Variants in HIVEP3 observed in about 807,000 individuals in gnomAD.
HIVEP3 encodes transcription factor HIVEP3.
Under a neutral mutation model 152.8 loss-of-function variants are expected in HIVEP3, and 49 were observed. The ratio of observed to expected loss-of-function variants is 0.32; its 90% CI spans 0.26 to 0.41. The LOEUF (loss-of-function observed/expected upper bound fraction) is 0.41, where lower values mean the gene tolerates loss of function less well. Ranked by LOEUF, HIVEP3 falls within the 10% of genes least tolerant of loss-of-function variation. The probability of loss-of-function intolerance (pLI) is 1.00; values close to 1 mark genes in which losing one functional copy is unlikely to be tolerated. For synonymous variants in HIVEP3, 1,269 were observed against 1,289.0 expected (o/e 0.98, Z 0.33); for missense variants, 2,790 against 3,103.3 (o/e 0.90, Z 2.40).
chr1:41,582,012 G>A lies in HIVEP3; in HGVS notation c.2786C>T (p.Ser929Phe). ...ESSFESSVPL[S>F]RSPSQESNVS... Reference sequence around the variant, plus strand: ...ATTGCTTTCCTGGCTCGGGCTGCGAGACAGAGGCACAGAGGACTCGAAGCT... The same window carrying A: ...ATTGCTTTCCTGGCTCGGGCTGCGAAACAGAGGCACAGAGGACTCGAAGCT... Residue 929 changes from serine (S) to phenylalanine (F), a missense_variant, in exon 4 of 9, where the codon TCT becomes TTT. Transcript: ENST00000372583. The surrounding 1 kb of genome is among the most constrained non-coding windows in gnomAD (Gnocchi z 4.7). The A allele has an allele frequency of 6.2e-7, 1 of 1,614,194 alleles. No individual in the cohort carries two copies. Among genetic ancestry groups the A allele is most frequent in the Non-Finnish European group, 8.5e-7 (1 of 1,180,042 alleles).
chr1:41,879,703 A>G (rs1644230881), intron 1 of HIVEP3, among the ~76,000 whole-genome samples: 1 of 152,152 alleles, frequency 6.6e-6, no homozygotes, highest in Non-Finnish European at 1.5e-5. Flanking sequence ...CACCTAGAAA[A>G]GTGCATCCAA....
intron 1 of HIVEP3, among the ~76,000 whole-genome samples, chr1:41,901,740 G>A (rs932980485): frequency 6.6e-6 from 1 of 152,142 alleles, no homozygotes; most frequent in African/African-American, 2.4e-5. Context: ...CTGAAGCGGA[G>A]GAGGGAGGTG....
intron 2 of HIVEP3, among the ~76,000 whole-genome samples, chr1:41,688,749 C>T (rs1646149619): frequency 6.6e-6 from 1 of 152,258 alleles, no homozygotes; most frequent in African/African-American, 2.4e-5. Context: ...GCCACCTCTC[C>T]TCTGATCATT....
intron 1 of HIVEP3, among the ~76,000 whole-genome samples, chr1:41,970,039 G>A (rs1338510331): frequency 6.6e-6 from 1 of 152,134 alleles, no homozygotes; most frequent in Non-Finnish European, 1.5e-5. Context: ...AGTTAAGAAA[G>A]CAATGCTGGT....
chr1:41,728,870 G>A lies in HIVEP3; in HGVS notation c.-800-27875C>T, dbSNP rs1000387472. 3.3e-5 allele frequency among the ~76,000 whole-genome samples: 5 copies of A among 152,344 alleles called. 1 individual carries two copies. Among genetic ancestry groups the A allele is most frequent in the African/African-American group, 1.2e-4 (5 of 41,574 alleles). On this transcript the variant is annotated intron_variant, in intron 1 of 8. Coordinates refer to ENST00000372583, the MANE Select transcript of HIVEP3 (RefSeq NM_024503.5). ...AGAAGGCACAGGCTAGGGTCCCAGAGAGGTTTAGGAGGGGGTTTCTCTGCT... is the reference window on the plus strand; with the variant it reads ...AGAAGGCACAGGCTAGGGTCCCAGAAAGGTTTAGGAGGGGGTTTCTCTGCT...
rs370272503 is a variant in HIVEP3, at chr1:41,510,527, G to T, written c.7145C>A (p.Ser2382Tyr). The T allele has an allele frequency of 7.5e-5, 120 of 1,592,186 alleles. 1 individual carries two copies. In the South Asian group the frequency reaches 7.9e-4, roughly 10 times the overall value. The change falls in exon 9 of 9, where the codon TCC (serine) becomes TAC (tyrosine). Residue 2382 changes from serine (S) to tyrosine (Y), a missense_variant. Ser to Tyr is a moderately radical substitution (Grantham distance 144). This residue lies in a region of HIVEP3 where 816 missense variants were observed against 806.5 expected (regional missense o/e 1.01). Transcript: ENST00000372583. ...CTCCCCACTTCCTGAGGGCTTGGGG[G>T]AGTCCTGCCTGGTCCTGGGTTCCCC... The part of the protein sequence containing the change: ...LSGEPRTRQD[S>Y]PKPSGSGEPR...
chr1:41,801,899 G>C (rs74669241), intron 1 of HIVEP3, among the ~76,000 whole-genome samples: 6,154 of 152,250 alleles, frequency 0.04, 406 homozygotes, highest in African/African-American at 0.14. Context: ...AGACAATGAG[G>C]GAATTGCAGG....
chr1:41,875,287 G>A (rs547380478), intron 1 of HIVEP3, among the ~76,000 whole-genome samples: 6 of 152,250 alleles, frequency 3.9e-5, no homozygotes, highest in African/African-American at 1.4e-4. Context: ...GAACTGTCCC[G>A]CTTGGAGAGT....
intron 1 of HIVEP3, among the ~76,000 whole-genome samples, chr1:41,714,476 AAAAGC>A (rs1355073988): frequency 6.6e-6 from 1 of 152,196 alleles, no homozygotes; most frequent in Non-Finnish European, 1.5e-5. Flanking sequence ...CTCCAAGAGG[AAAAGC>A]AAAGATTTCA....
intron 2 of HIVEP3, among the ~76,000 whole-genome samples, chr1:41,648,325 G>T (rs756696759): frequency 6.6e-6 from 1 of 152,036 alleles, no homozygotes; most frequent in Non-Finnish European, 1.5e-5. Flanking sequence ...AAACGAGCAT[G>T]CATCGGCACA....
intron 1 of HIVEP3, among the ~76,000 whole-genome samples, chr1:41,768,031 G>A (rs527506533): frequency 2.0e-5 from 3 of 152,318 alleles, no homozygotes; most frequent in East Asian, 1.9e-4. Context: ...ATGAAGAAAC[G>A]GAGGCCAAAA....
chr1:41,625,711 G>A (rs1413384945), intron 3 of HIVEP3, among the ~76,000 whole-genome samples: 1 of 151,814 alleles, frequency 6.6e-6, no homozygotes, highest in South Asian at 2.1e-4. Flanking sequence ...CTCTAGCCTG[G>A]GCAACAGAGC....
chr1:41,581,753 A>G lies in HIVEP3; in HGVS notation c.3045T>C (p.Tyr1015=). The part of the protein sequence containing the change: ...MTETRSKSFD[Y]GSLSLTGPSA... ...AAGGGCCTGTCAAGGACAAGCTGCC[A>G]TAGTCAAAGGATTTGCTGCGTGTCT... Residue 1015 remains tyrosine, a synonymous_variant, in exon 4 of 9, where the codon TAT becomes TAC. Transcript: ENST00000372583. The surrounding 1 kb of genome is among the most constrained non-coding windows in gnomAD (Gnocchi z 4.5). The G allele has an allele frequency of 1.2e-6, 2 of 1,603,482 alleles. No homozygotes were observed. The highest frequency in any genetic ancestry group is 1.7e-6 in the Non-Finnish European group (2 of 1,175,314).
chr1:41,781,874 T>C, intron 1 of HIVEP3, among the ~76,000 whole-genome samples: 1 of 152,232 alleles, frequency 6.6e-6, no homozygotes, highest in East Asian at 1.9e-4. Context: ...TCCTGTCACC[T>C]CCTGCTGTTC....
At chr1:41,828,530 G>A (rs1642868715) in intron 1 of HIVEP3, among the ~76,000 whole-genome samples, 1 of 152,194 alleles carries the variant, frequency 6.6e-6, no homozygotes, top group Non-Finnish European at 1.5e-5. Context: ...AGGTTCTGAA[G>A]GCATTTCTAA....
chr1:41,971,784 T>C lies in HIVEP3; in HGVS notation n.120-53260A>G, dbSNP rs190803946. ...ATTCATGTTGCAACTTAACCCCCAA[T>C]ATAACAGTATTAAGAGGTAGGACCT... On this transcript the variant is annotated intron_variant and non_coding_transcript_variant, in intron 1 of 3. Transcript: ENST00000489103. Among the ~76,000 whole-genome samples the C allele has an allele frequency of 2.0e-3, 305 of 152,264 alleles. 2 individuals carry two copies. The highest frequency in any genetic ancestry group is 3.6e-3 in the Non-Finnish European group (243 of 68,016).
chr1:41,967,805 TAAA>T (rs1307179413), intron 1 of HIVEP3, among the ~76,000 whole-genome samples: 1 of 151,758 alleles, frequency 6.6e-6, no homozygotes, highest in Non-Finnish European at 1.5e-5. Flanking sequence ...ACTAGACTAA[TAAA>T]GAAGAAAAGA....
chr1:41,726,284 G>A (rs551889765), intron 1 of HIVEP3, among the ~76,000 whole-genome samples: 30 of 152,166 alleles, frequency 2.0e-4, no homozygotes, highest in African/African-American at 7.0e-4. Flanking sequence ...CCAAAACCAG[G>A]GCTCCTTCCT....
At chr1:41,746,268 T>C (rs1310678715) in intron 1 of HIVEP3, among the ~76,000 whole-genome samples, 1 of 152,238 alleles carries the variant, frequency 6.6e-6, no homozygotes, top group African/African-American at 2.4e-5. Flanking sequence ...TCGCATTTAT[T>C]ATCTGTTTAC....
Sources: gnomAD v4.1 joint callset for allele counts (sites outside exome capture counted in the v4.1 genomes callset) on GRCh38, gnomAD v4.1.1 for gene constraint, gnomAD v4.1.1 regional missense constraint, Gnocchi (gnomAD v3.1) non-coding constraint, MANE v1.5 for transcripts, NCBI Gene and HGNC (gene_info 2026-07-23, HGNC 2026-07-21) for gene names.